Variants in NEK10 observed in about 807,000 individuals in gnomAD.
NEK10 encodes the protein NIMA related kinase 10, also known as serine/threonine-protein kinase Nek10.
NEK10 carries 122 observed loss-of-function variants against 159.8 expected under a neutral mutation model. The observed-to-expected ratio is 0.76, with a 90% confidence interval of 0.66 to 0.89. The LOEUF (loss-of-function observed/expected upper bound fraction) is 0.89, where lower values mean the gene tolerates loss of function less well. NEK10 is among the 40% of genes least tolerant of loss of function. The probability of loss-of-function intolerance (pLI) is 0.00; values close to 1 mark genes in which losing one functional copy is unlikely to be tolerated. For missense variants in NEK10, 1,342 were observed against 1,323.1 expected, an observed-to-expected ratio of 1.01 and a Z score of -0.22; for synonymous variants, 466 against 457.1, an observed-to-expected ratio of 1.02 and a Z score of -0.25.
At chr3:27,220,496 C>T (rs1161108937) in intron 23 of NEK10, among the ~76,000 whole-genome samples, 1 of 152,134 alleles carries the variant, frequency 6.6e-6, no homozygotes, top group Non-Finnish European at 1.5e-5. Context: ...AATCCATCTG[C>T]TACCTTAATT....
At chr3:27,348,949 T>G (rs1175539974) in intron 3 of NEK10, among the ~76,000 whole-genome samples, 1 of 152,088 alleles carries the variant, frequency 6.6e-6, no homozygotes, top group Non-Finnish European at 1.5e-5. Context: ...GAAAAGTTCA[T>G]CCATTAATTC....
intron 5 of NEK10, among the ~76,000 whole-genome samples, chr3:27,327,485 C>T (rs761319782): frequency 6.6e-5 from 10 of 152,186 alleles, no homozygotes; most frequent in Non-Finnish European, 1.5e-4. Context: ...CTGTCAGCAT[C>T]AGGTGCCATC....
In NEK10 at chr3:27,156,004, C is replaced by T. The variant is rs1945375131; in HGVS notation, c.2869+6697G>A. 2.0e-5 allele frequency among the ~76,000 whole-genome samples: 3 copies of T among 152,184 alleles called. No individual in the cohort carries two copies. In the South Asian group the frequency reaches 6.2e-4, roughly 32 times the overall value. On this transcript the variant is annotated intron_variant, in intron 30 of 35. Coordinates refer to ENST00000691995, the MANE Select transcript of NEK10 (RefSeq NM_001394966.1). ...TAAACCCAAATACTTACCAACCAAT[C>T]TTCAACAAAGCAAACAAAAACATAA...
At chr3:27,288,750 C>T (rs780904503) in intron 19 of NEK10, among the ~76,000 whole-genome samples, 1 of 152,186 alleles carries the variant, frequency 6.6e-6, no homozygotes, top group Admixed American at 6.5e-5. Context: ...GTAGTTTTTG[C>T]TTATAATTTG....
intron 22 of NEK10, among the ~76,000 whole-genome samples, chr3:27,262,257 C>T (rs1325527064): frequency 6.6e-6 from 1 of 152,142 alleles, no homozygotes; most frequent in Admixed American, 6.5e-5. Flanking sequence ...CTCTGGCTGC[C>T]CTTAACATTT....
At chr3:27,200,169 G>T (rs554170706) in intron 25 of NEK10, among the ~76,000 whole-genome samples, 8 of 152,130 alleles carry the variant, frequency 5.3e-5, no homozygotes, top group African/African-American at 1.9e-4. Context: ...GCCAAAGAAA[G>T]AAAGGTTTAG....
chr3:27,354,608 C>G (rs778504454), intron 1 of NEK10, among the ~76,000 whole-genome samples: 6 of 152,028 alleles, frequency 3.9e-5, no homozygotes, highest in Non-Finnish European at 7.4e-5. Flanking sequence ...TTTAAATTAA[C>G]AAAAATGATT....
At chr3:27,223,080 A>G (rs572252195) in intron 23 of NEK10, among the ~76,000 whole-genome samples, 3 of 152,326 alleles carry the variant, frequency 2.0e-5, no homozygotes, top group Non-Finnish European at 2.9e-5. Flanking sequence ...ACAGTTTCCA[A>G]TGATTTTCTA....
At chr3:27,195,372 T>C (rs898700076) in intron 25 of NEK10, among the ~76,000 whole-genome samples, 1 of 152,230 alleles carries the variant, frequency 6.6e-6, no homozygotes, top group African/African-American at 2.4e-5. Flanking sequence ...AATTTTTTAA[T>C]ACTGAAAATC....
intron 26 of NEK10, among the ~76,000 whole-genome samples, chr3:27,182,634 T>C (rs1228377658): frequency 2.0e-5 from 3 of 152,108 alleles, no homozygotes; most frequent in South Asian, 4.1e-4. Context: ...GTTGAAGAGA[T>C]ATCTGCATGC....
chr3:27,142,490 C>A (rs149791317), intron 30 of NEK10, among the ~76,000 whole-genome samples: 124 of 151,494 alleles, frequency 8.2e-4, no homozygotes, highest in African/African-American at 2.9e-3. Context: ...AATAAAACTT[C>A]TCTTGCTAAT....
intron 13 of NEK10, among the ~76,000 whole-genome samples, chr3:27,300,620 A>G: frequency 6.6e-6 from 1 of 152,136 alleles, no homozygotes; most frequent in Admixed American, 6.6e-5. Context: ...CAGTTCTCAA[A>G]GGCTCCTTGT....
At chr3:27,237,038 C>G (rs918630509) in intron 23 of NEK10, among the ~76,000 whole-genome samples, 2 of 152,076 alleles carry the variant, frequency 1.3e-5, no homozygotes, top group Non-Finnish European at 2.9e-5. Flanking sequence ...GCATTCCTTC[C>G]CCTGGGTATT....
intron 23 of NEK10, among the ~76,000 whole-genome samples, chr3:27,225,825 A>G (rs1237546841): frequency 6.9e-6 from 1 of 144,548 alleles, no homozygotes; most frequent in Admixed American, 7.0e-5. Context: ...GATGGAGTCT[A>G]AGTCACATGG....
chr3:27,238,341 A>G (rs929445784), intron 23 of NEK10, among the ~76,000 whole-genome samples: 2 of 152,174 alleles, frequency 1.3e-5, no homozygotes, highest in East Asian at 3.8e-4. Context: ...GAATCTGGAC[A>G]ATAAGCTATT....
At chr3:27,231,639 T>C (rs1019128775) in intron 23 of NEK10, among the ~76,000 whole-genome samples, 1 of 151,260 alleles carries the variant, frequency 6.6e-6, no homozygotes, top group Non-Finnish European at 1.5e-5. Flanking sequence ...CCAAATAAGC[T>C]CAATTAGCAA....
intron 30 of NEK10, chr3:27,143,345 G>T: frequency 1.7e-6 from 1 of 585,012 alleles, no homozygotes; most frequent in Non-Finnish European, 3.1e-6. Flanking sequence ...ATAGTTTATA[G>T]ATTCATAGAT....
intron 23 of NEK10, among the ~76,000 whole-genome samples, chr3:27,248,991 C>A (rs868068318): frequency 1.3e-5 from 2 of 152,132 alleles, no homozygotes; most frequent in Non-Finnish European, 2.9e-5. Context: ...TTTGGCTACA[C>A]CCCACCCAAA....
chr3:27,126,586 C>T (rs1941978161), intron 32 of NEK10, among the ~76,000 whole-genome samples: 1 of 152,140 alleles, frequency 6.6e-6, no homozygotes, highest in Admixed American at 6.6e-5. Flanking sequence ...CAGCCATCAC[C>T]TGGAAGATGA....
Sources: allele counts gnomAD v4.1 joint callset (sites outside exome capture counted in the v4.1 genomes callset), GRCh38; gene constraint gnomAD v4.1.1; transcripts MANE v1.5; gene names NCBI Gene and HGNC (gene_info 2026-07-23, HGNC 2026-07-21).